NCOA2: variants seen among roughly 807,000 people sequenced by gnomAD.
NCOA2 encodes nuclear receptor coactivator 2, also known as class E basic helix-loop-helix protein 75.
In NCOA2, 21 loss-of-function variants were observed where a neutral mutation model predicts 145.1. The observed-to-expected ratio is 0.14, with a 90% CI of 0.10 to 0.21. The LOEUF is 0.21. Ranked by LOEUF, NCOA2 falls within the 10% of genes least tolerant of loss-of-function variation. NCOA2 has a pLI of 1.00. For missense variants in NCOA2, 1,472 were observed against 1,837.6 expected (o/e 0.80, Z 3.64); for synonymous variants, 619 against 637.5 (o/e 0.97, Z 0.44).
At chr8:70,155,846 G>A (rs1812220643) in intron 11 of NCOA2, 125 bp downstream of exon 11, 1 of 764,974 alleles carries the variant, frequency 1.3e-6, no homozygotes, top group Non-Finnish European at 2.0e-6. Flanking sequence ...AGATTTTCAA[G>A]ATAAGAACAA....
intron 1 of NCOA2, among the ~76,000 whole-genome samples, chr8:70,350,452 A>C (rs1809076108): frequency 6.6e-6 from 1 of 152,190 alleles, no homozygotes; most frequent in Non-Finnish European, 1.5e-5. Flanking sequence ...TACACCATTT[A>C]TTAAAATGTG....
intron 20 of NCOA2, among the ~76,000 whole-genome samples, chr8:70,124,367 T>G (rs1311910223): frequency 6.6e-6 from 1 of 152,052 alleles, no homozygotes; most frequent in Non-Finnish European, 1.5e-5. Context: ...TCTGTTTTTT[T>G]TTTTTTAAAG....
At chr8:70,368,921 A>C (rs1381230604) in intron 1 of NCOA2, among the ~76,000 whole-genome samples, 2 of 152,202 alleles carry the variant, frequency 1.3e-5, no homozygotes, top group African/African-American at 4.8e-5. Context: ...TTCTACAAAA[A>C]CAAAAGTAGC....
intron 1 of NCOA2, among the ~76,000 whole-genome samples, chr8:70,347,645 C>T (rs548928937): frequency 2.6e-5 from 4 of 152,092 alleles, no homozygotes; most frequent in African/African-American, 4.8e-5. Flanking sequence ...GGTGACAAAG[C>T]GAGACCTTGT....
the NCOA2 span, among the ~76,000 whole-genome samples, chr8:70,434,837 C>A: frequency 1.3e-5 from 2 of 152,152 alleles, no homozygotes; most frequent in Non-Finnish European, 2.9e-5. Flanking sequence ...TCTCAAAGTG[C>A]AATTTCATCC....
At chr8:70,243,791 GAAAAAAAA>G (rs200949977) in intron 2 of NCOA2, among the ~76,000 whole-genome samples, 1 of 99,532 alleles carries the variant, frequency 1.0e-5, no homozygotes, top group African/African-American at 3.1e-5. Context: ...ATAAAAAATG[GAAAAAAAA>G]AAAAAAAAAG....
the NCOA2 span, among the ~76,000 whole-genome samples, chr8:70,449,550 A>G: frequency 2.6e-5 from 4 of 152,252 alleles, no homozygotes; most frequent in African/African-American, 4.8e-5. Flanking sequence ...GAGAGCTGGC[A>G]GGATCAGGGA....
chr8:70,150,826 C>A (rs1353351145), intron 11 of NCOA2, among the ~76,000 whole-genome samples: 1 of 152,148 alleles, frequency 6.6e-6, no homozygotes, highest in East Asian at 1.9e-4. Flanking sequence ...CATATTAACA[C>A]AAACTTTAAA....
At chr8:70,439,727 A>G in the NCOA2 span, among the ~76,000 whole-genome samples, 1 of 152,162 alleles carries the variant, frequency 6.6e-6, no homozygotes, top group Non-Finnish European at 1.5e-5. Context: ...CTCAGTTTAC[A>G]ATCTCAGCCC....
At chr8:70,366,742 TA>T (rs34947410) in intron 1 of NCOA2, among the ~76,000 whole-genome samples, 20,612 of 138,448 alleles carry the variant, frequency 0.15, 1,697 homozygotes, top group East Asian at 0.41. Flanking sequence ...CCATTGGCTT[TA>T]AAAAAAAAAA....
intron 11 of NCOA2, among the ~76,000 whole-genome samples, chr8:70,153,463 A>T (rs1236744301): frequency 2.0e-5 from 3 of 152,228 alleles, no homozygotes; most frequent in Non-Finnish European, 4.4e-5. Flanking sequence ...CAATCACATA[A>T]ATAAATACAG....
At chr8:70,315,733 G>A (rs1406229622) in intron 1 of NCOA2, among the ~76,000 whole-genome samples, 1 of 152,156 alleles carries the variant, frequency 6.6e-6, no homozygotes, top group Non-Finnish European at 1.5e-5. Context: ...CAGGAGGAAG[G>A]CACCATTCTC....
At chr8:70,326,380 T>C (rs191697857) in intron 1 of NCOA2, among the ~76,000 whole-genome samples, 1 of 151,666 alleles carries the variant, frequency 6.6e-6, no homozygotes, top group East Asian at 1.9e-4. Context: ...AGCAATAAAA[T>C]TAATACAAAT....
chr8:70,236,138 A>G (rs1413442554), intron 2 of NCOA2, among the ~76,000 whole-genome samples: 2 of 152,160 alleles, frequency 1.3e-5, no homozygotes, highest in Non-Finnish European at 2.9e-5. Flanking sequence ...CAAATCATCA[A>G]TAAGATATCT....
intron 1 of NCOA2, among the ~76,000 whole-genome samples, chr8:70,318,259 C>A (rs576234468): frequency 1.9e-4 from 29 of 152,314 alleles, no homozygotes; most frequent in South Asian, 1.2e-3. Flanking sequence ...AGCCACCTAA[C>A]AAAATTTGTT....
At chr8:70,409,946 A>G in the NCOA2 span, among the ~76,000 whole-genome samples, 1 of 152,300 alleles carries the variant, frequency 6.6e-6, no homozygotes, top group South Asian at 2.1e-4. Flanking sequence ...GCAGTGGCTC[A>G]TGCCTGTAAT....
intron 2 of NCOA2, among the ~76,000 whole-genome samples, chr8:70,228,828 T>A (rs1820889705): frequency 6.6e-6 from 1 of 152,222 alleles, no homozygotes; most frequent in African/African-American, 2.4e-5. Context: ...TCCTTCTGCC[T>A]GATACTAAAA....
chr8:70,336,134 T>C (rs1057076815), intron 1 of NCOA2, among the ~76,000 whole-genome samples: 1 of 152,152 alleles, frequency 6.6e-6, no homozygotes, highest in Non-Finnish European at 1.5e-5. Flanking sequence ...TGCGAACTTT[T>C]ATGGAACTGG....
In NCOA2 at chr8:70,156,868, G is replaced by T. The variant is rs764987424; in HGVS notation, c.1497C>A (p.Ser499Arg). 3.3e-5 allele frequency: 54 copies of T among 1,613,878 alleles called. No individual in the cohort carries two copies. Among genetic ancestry groups the T allele is most frequent in the Non-Finnish European group, 4.3e-5 (51 of 1,179,890 alleles). ...AAAACTGACTGGGTGGGATTCGAGG[G>T]CTGCCAGCCACTCCAGGGCTCATGC... ...RHRMSPGVAG[S>R]PRIPPSQFSP... Residue 499 changes from serine (S) to arginine (R), a missense_variant, in exon 11 of 23, where the codon AGC (serine) becomes AGA (arginine). Ser to Arg is a moderately radical substitution (Grantham distance 110). Coordinates refer to ENST00000452400, the MANE Select transcript of NCOA2 (RefSeq NM_006540.4).
Sources: allele counts gnomAD v4.1 joint callset (sites outside exome capture counted in the v4.1 genomes callset), GRCh38; gene constraint gnomAD v4.1.1; transcripts MANE v1.5; gene names NCBI Gene and HGNC (gene_info 2026-07-23, HGNC 2026-07-21).